ITFG1: variants seen among roughly 807,000 people sequenced by gnomAD.
ITFG1 encodes T-cell immunomodulatory protein.
Under a neutral mutation model 81.8 loss-of-function variants are expected in ITFG1, and 34 were observed. The ratio of observed to expected loss-of-function variants is 0.42; its 90% CI spans 0.32 to 0.55. The LOEUF (loss-of-function observed/expected upper bound fraction) is 0.55, where lower values mean the gene tolerates loss of function less well. Ranked by LOEUF, ITFG1 falls within the 20% of genes least tolerant of loss-of-function variation. The pLI is 0.17. For synonymous variants in ITFG1, 285 were observed against 270.6 expected, an observed-to-expected ratio of 1.05 and a Z score of -0.52; for missense variants, 672 against 755.4, an observed-to-expected ratio of 0.89 and a Z score of 1.29.
intron 10 of ITFG1, 49 bp downstream of exon 10, chr16:47,311,191 A>G: frequency 7.1e-7 from 1 of 1,403,168 alleles, no homozygotes; most frequent in Non-Finnish European, 9.8e-7. Context: ...GTTTGCAAAT[A>G]TTTCTCACAT....
intron 12 of ITFG1, among the ~76,000 whole-genome samples, chr16:47,254,213 C>T (rs899360162): frequency 2.6e-5 from 4 of 151,758 alleles, no homozygotes; most frequent in African/African-American, 9.7e-5. Flanking sequence ...TCTCTAATAT[C>T]TTGTTTTTGT....
intron 12 of ITFG1, among the ~76,000 whole-genome samples, chr16:47,244,591 TTGTGTGTGTGTGTGTGTG>T (rs57470225): frequency 0.034 from 3,981 of 118,216 alleles, 150 homozygotes; most frequent in African/African-American, 0.085. Context: ...ATTCCATCTT[TTGTGTGTGTGTGTGTGTG>T]TGTGTGTGTG....
At position 47,460,883 on chromosome 16, in the gene ITFG1, C is replaced by T; in HGVS notation, c.163G>A (p.Asp55Asn). The change falls in exon 1 of 18, where the codon GAC becomes AAC. Residue 55 changes from aspartate (D) to asparagine (N), a missense_variant. Transcript: ENST00000320640. ...EAWGTLAAFG[D>N]LNSDKQTDLF... ...TCCGTCTGCTTGTCGGAGTTGAGGT[C>T]CCCGAAAGCCGCAAGGGTGCCCCAG... 1.2e-6 allele frequency: 2 copies of T among 1,613,692 alleles called. No individual in the cohort carries two copies. Among genetic ancestry groups the T allele is most frequent in the African/African-American group, 1.3e-5 (1 of 75,056 alleles).
intron 7 of ITFG1, 45 bp from the exon 8 acceptor site, chr16:47,365,914 C>A (rs1968171871): frequency 3.9e-6 from 4 of 1,018,276 alleles, no homozygotes; most frequent in South Asian, 2.7e-5. Flanking sequence ...TTAATCCACT[C>A]ATTTGTTAAG....
intron 14 of ITFG1, among the ~76,000 whole-genome samples, chr16:47,207,599 G>T (rs1031644041): frequency 6.6e-6 from 1 of 152,214 alleles, no homozygotes; most frequent in Non-Finnish European, 1.5e-5. Flanking sequence ...GTGTCCCAGG[G>T]AGAGGGGATG....
chr16:47,421,098 A>C (rs1473807840), intron 6 of ITFG1, among the ~76,000 whole-genome samples: 1 of 152,026 alleles, frequency 6.6e-6, no homozygotes, highest in Non-Finnish European at 1.5e-5. Context: ...TTCACGGAAT[A>C]TCTCTTTTCA....
intron 10 of ITFG1, among the ~76,000 whole-genome samples, chr16:47,306,003 T>C (rs959359402): frequency 4.6e-5 from 7 of 152,140 alleles, no homozygotes; most frequent in African/African-American, 1.4e-4. Context: ...ATTCCATCAA[T>C]TGATAATACC....
intron 11 of ITFG1, 39 bp from the exon 12 acceptor site, chr16:47,258,779 T>A (rs754959590): frequency 1.5e-5 from 13 of 886,658 alleles, no homozygotes; most frequent in Non-Finnish European, 2.2e-5. Context: ...AACAAACTAT[T>A]AGACCAACTA....
At chr16:47,183,058 C>T (rs543181399) in intron 14 of ITFG1, among the ~76,000 whole-genome samples, 92 of 152,318 alleles carry the variant, frequency 6.0e-4, no homozygotes, top group African/African-American at 1.9e-3. Context: ...CGCGCTTTTC[C>T]GACGGGCTTA....
chr16:47,381,209 AT>A (rs1567480582), intron 6 of ITFG1, among the ~76,000 whole-genome samples: 1 of 152,234 alleles, frequency 6.6e-6, no homozygotes, highest in African/African-American at 2.4e-5. Context: ...ACTAAATCAT[AT>A]TAGAAAAACT....
At position 47,232,976 on chromosome 16, in the gene ITFG1, A is replaced by AT. The variant is rs371283964; in HGVS notation, c.1374+4988dup. Among the ~76,000 whole-genome samples, 274 of 152,224 alleles carry AT rather than the reference A, an allele frequency of 1.8e-3. 2 individuals carry two copies. Among genetic ancestry groups the AT allele is most frequent in the African/African-American group, 6.2e-3 (259 of 41,514 alleles). ...ATTATACTGATTTATACTTTCATAG[A>AT]TTTTGCAAATTTTTAAAAAGTTAAA... On this transcript the variant is annotated intron_variant, in intron 13 of 17. Transcript: ENST00000320640.
At chr16:47,243,945 C>T (rs968181431) in intron 12 of ITFG1, among the ~76,000 whole-genome samples, 13 of 152,050 alleles carry the variant, frequency 8.5e-5, no homozygotes, top group Admixed American at 2.6e-4. Flanking sequence ...GCAGGAGGAT[C>T]GCTTGAACCT....
At chr16:47,293,165 A>T (rs372318561) in intron 10 of ITFG1, among the ~76,000 whole-genome samples, 79 of 123,796 alleles carry the variant, frequency 6.4e-4, no homozygotes, top group African/African-American at 1.9e-3. Context: ...ATGATATATA[A>T]TATATATCAT....
intron 5 of ITFG1, among the ~76,000 whole-genome samples, chr16:47,446,089 C>T (rs528050869): frequency 5.9e-5 from 9 of 152,220 alleles, no homozygotes; most frequent in Admixed American, 2.6e-4. Context: ...ATGTTAAGTG[C>T]CAACCCCAGA....
chr16:47,409,800 G>C (rs1350155491), intron 6 of ITFG1, among the ~76,000 whole-genome samples: 1 of 151,738 alleles, frequency 6.6e-6, no homozygotes, highest in Admixed American at 6.6e-5. Flanking sequence ...CACATATCAT[G>C]ACAGAAAAGA....
At chr16:47,163,940 C>A (rs998313106) in intron 14 of ITFG1, among the ~76,000 whole-genome samples, 1 of 148,878 alleles carries the variant, frequency 6.7e-6, no homozygotes, top group African/African-American at 2.6e-5. Flanking sequence ...CACACACACA[C>A]ACACACACAC....
intron 6 of ITFG1, 142 bp downstream of exon 6, chr16:47,428,662 T>G (rs1969054426): frequency 1.5e-6 from 1 of 645,648 alleles, no homozygotes; most frequent in Non-Finnish European, 2.7e-6. Flanking sequence ...TTTCCATGTT[T>G]CCAAATCACT....
intron 14 of ITFG1, among the ~76,000 whole-genome samples, chr16:47,194,656 G>T (rs1965334819): frequency 1.3e-5 from 2 of 152,018 alleles, no homozygotes; most frequent in South Asian, 4.1e-4. Flanking sequence ...ATGTGCCTGG[G>T]ATTACAGCTT....
intron 8 of ITFG1, among the ~76,000 whole-genome samples, chr16:47,363,053 C>T (rs1056691470): frequency 1.3e-5 from 2 of 152,054 alleles, no homozygotes; most frequent in Non-Finnish European, 2.9e-5. Flanking sequence ...TGTGCCACCA[C>T]GTCCAGCTAA....
Sources: gnomAD v4.1 joint callset for allele counts (sites outside exome capture counted in the v4.1 genomes callset) on GRCh38, gnomAD v4.1.1 for gene constraint, MANE v1.5 for transcripts, NCBI Gene and HGNC (gene_info 2026-07-23, HGNC 2026-07-21) for gene names.